The following NELL1 variants were observed in gnomAD, a reference collection of about 807,000 sequenced individuals.
NELL1 encodes neural EGFL like 1.
NELL1 carries 76 observed loss-of-function variants against 107.4 expected under a neutral mutation model. The ratio of observed to expected loss-of-function variants is 0.71; its 90% confidence interval spans 0.59 to 0.86. NELL1 has a LOEUF of 0.86. Among genes scored for constraint, NELL1 ranks in the 40% least tolerant of loss-of-function variants. The pLI is 0.00. For synonymous variants in NELL1, 353 were observed against 341.2 expected, an observed-to-expected ratio of 1.03 and a Z score of -0.38; for missense variants, 1,024 against 1,005.5, an observed-to-expected ratio of 1.02 and a Z score of -0.25.
At chr11:20,758,286 T>C (rs889960589) in intron 2 of NELL1, among the ~76,000 whole-genome samples, 1 of 152,138 alleles carries the variant, frequency 6.6e-6, no homozygotes, top group African/African-American at 2.4e-5. Flanking sequence ...GGCATTGTCC[T>C]CCCACGAGAC....
At chr11:20,794,652 C>G (rs930263473) in intron 3 of NELL1, among the ~76,000 whole-genome samples, 13 of 151,864 alleles carry the variant, frequency 8.6e-5, no homozygotes, top group Non-Finnish European at 1.3e-4. Flanking sequence ...ACAAAAGAAA[C>G]TCAATAAAAA....
At chr11:21,369,305 C>T (rs1012136890) in intron 14 of NELL1, among the ~76,000 whole-genome samples, 2 of 151,190 alleles carry the variant, frequency 1.3e-5, no homozygotes, top group Non-Finnish European at 2.9e-5. Context: ...ACCTCCATCT[C>T]TACATGTGTA....
chr11:21,065,495 G>C (rs1853845977), intron 12 of NELL1, among the ~76,000 whole-genome samples: 1 of 152,062 alleles, frequency 6.6e-6, no homozygotes, highest in Non-Finnish European at 1.5e-5. Context: ...GAATTATTAA[G>C]AGGCTGAAAA....
chr11:21,465,183 A>G (rs76548567), intron 15 of NELL1, among the ~76,000 whole-genome samples: 8,347 of 152,204 alleles, frequency 0.055, 300 homozygotes, highest in Non-Finnish European at 0.08. Context: ...CACAGAAAGC[A>G]GTGGGCAGGA....
At chr11:21,012,179 G>A (rs1178853340) in intron 12 of NELL1, among the ~76,000 whole-genome samples, 1 of 152,150 alleles carries the variant, frequency 6.6e-6, no homozygotes, top group Non-Finnish European at 1.5e-5. Flanking sequence ...ACAGTAAGGA[G>A]AGTGCTCTGC....
At chr11:21,284,511 C>T (rs201086496) in intron 14 of NELL1, 2 of 459,570 alleles carry the variant, frequency 4.4e-6, no homozygotes, top group East Asian at 6.9e-5. Context: ...GGTGGCATCC[C>T]GCTATCCTCA....
intron 15 of NELL1, among the ~76,000 whole-genome samples, chr11:21,397,458 A>G (rs1411222526): frequency 6.6e-6 from 1 of 151,808 alleles, no homozygotes; most frequent in East Asian, 2.0e-4. Flanking sequence ...AAGAGGAAAT[A>G]TGTATATTAC....
chr11:21,297,157 A>G lies in NELL1; in HGVS notation c.1549+67703A>G, dbSNP rs985284133. Among the ~76,000 whole-genome samples the G allele has an allele frequency of 2.6e-5, 4 of 152,122 alleles. No homozygotes were observed. The South Asian group carries it at 6.2e-4, about 24-fold the overall frequency. On this transcript the variant is annotated intron_variant, in intron 14 of 19. Transcript: ENST00000357134. ...TTTTGAAGTTATTGCAAAGAAATCT[A>G]TAATAGCAAAGGAAGAAGCCAGGGT... is the stretch of plus-strand genomic sequence containing the variant.
At chr11:21,319,131 A>ATGTGTGTG (rs35208989) in intron 14 of NELL1, among the ~76,000 whole-genome samples, 8 of 146,642 alleles carry the variant, frequency 5.5e-5, no homozygotes, top group African/African-American at 1.0e-4. Flanking sequence ...TCTCAGCAAT[A>ATGTGTGTG]TGTGTGTGTG....
chr11:21,068,890 G>A (rs557626270), intron 12 of NELL1, among the ~76,000 whole-genome samples: 9 of 152,266 alleles, frequency 5.9e-5, no homozygotes, highest in East Asian at 1.9e-4. Flanking sequence ...TGAGGCTTTC[G>A]GGGCCTGGGG....
rs386373288 is a variant in NELL1, at chr11:20,862,605, CTTTTTTTTTTTT to C, written c.506+14864_506+14875del. On this transcript the variant is annotated intron_variant, in intron 4 of 19. Coordinates refer to ENST00000357134, the MANE Select transcript of NELL1 (RefSeq NM_006157.5). ...GCCCTAAAAATCTTTTGAGCTGCTG[CTTTTTTTTTTTT>C]TTTTTTTTTTTATTGATCATTCTTG... Among the ~76,000 whole-genome samples, 343 of 94,684 alleles carry C rather than the reference CTTTTTTTTTTTT, an allele frequency of 3.6e-3. 3 individuals carry two copies. Among genetic ancestry groups the C allele is most frequent in the African/African-American group, 0.013 (326 of 25,118 alleles). The allele number at this position is 94,684 out of a possible 152,430, so 62.1% of individuals were successfully genotyped here. A position where few individuals can be genotyped will look rare whatever the true frequency, so the allele number is the denominator to read the frequency against.
chr11:20,689,750 G>C (rs1256716393), intron 2 of NELL1, among the ~76,000 whole-genome samples: 1 of 151,320 alleles, frequency 6.6e-6, no homozygotes, highest in African/African-American at 2.4e-5. Flanking sequence ...AAACATACGT[G>C]TGCGTGTGTC....
At chr11:21,122,152 G>A (rs1384602274) in intron 13 of NELL1, among the ~76,000 whole-genome samples, 1 of 152,154 alleles carries the variant, frequency 6.6e-6, no homozygotes, top group Non-Finnish European at 1.5e-5. Context: ...ATCAATGATG[G>A]AGCTTGCCCC....
At chr11:21,101,542 G>A (rs1475152056) in intron 12 of NELL1, among the ~76,000 whole-genome samples, 1 of 152,134 alleles carries the variant, frequency 6.6e-6, no homozygotes, top group African/African-American at 2.4e-5. Context: ...TAACTGGTGT[G>A]AGATGGTATC....
chr11:20,788,360 A>T (rs1857009894), intron 3 of NELL1, among the ~76,000 whole-genome samples: 1 of 152,210 alleles, frequency 6.6e-6, no homozygotes, highest in Non-Finnish European at 1.5e-5. Flanking sequence ...CCTTGTCAAC[A>T]CTAGTTATTA....
chr11:20,988,009 A>C (rs1486828332), intron 12 of NELL1, among the ~76,000 whole-genome samples: 3 of 152,192 alleles, frequency 2.0e-5, no homozygotes, highest in Non-Finnish European at 4.4e-5. Context: ...TGTGTTTACA[A>C]CAACTAAACC....
At chr11:21,122,883 G>A (rs532118162) in intron 13 of NELL1, among the ~76,000 whole-genome samples, 8 of 152,066 alleles carry the variant, frequency 5.3e-5, no homozygotes, top group Non-Finnish European at 1.2e-4. Context: ...ATGACTGTGC[G>A]GACAGGTTTT....
In NELL1 at chr11:20,871,338, C is replaced by T. The variant is rs117463131; in HGVS notation, c.507-14106C>T. On this transcript the variant is annotated intron_variant, in intron 4 of 19. Coordinates refer to ENST00000357134, the MANE Select transcript of NELL1 (RefSeq NM_006157.5). ...TGGGACACATGGAGAATATTCAGCT[C>T]GCCTTAATTTTATAATAAATAAAGT... is the stretch of plus-strand genomic sequence containing the variant. Among the ~76,000 whole-genome samples the T allele has an allele frequency of 3.1e-4, 47 of 152,246 alleles. 1 individual carries two copies. In the East Asian group the frequency reaches 4.2e-3, roughly 14 times the overall value.
chr11:21,572,375 T>C (rs1469798900), intron 18 of NELL1, among the ~76,000 whole-genome samples: 1 of 150,540 alleles, frequency 6.6e-6, no homozygotes, highest in Non-Finnish European at 1.5e-5. Flanking sequence ...AGACTTTTCA[T>C]GTGCCAAACT....
Sources: gnomAD v4.1 joint callset for allele counts (sites outside exome capture counted in the v4.1 genomes callset) on GRCh38, gnomAD v4.1.1 for gene constraint, MANE v1.5 for transcripts, NCBI Gene and HGNC (gene_info 2026-07-23, HGNC 2026-07-21) for gene names.